ARMC9: variants seen among roughly 807,000 people sequenced by gnomAD.
ARMC9 encodes armadillo repeat containing 9.
ARMC9 carries 94 observed loss-of-function variants against 107.0 expected under a neutral mutation model. The observed-to-expected ratio is 0.88, with a 90% CI of 0.74 to 1.04. The LOEUF (loss-of-function observed/expected upper bound fraction) is 1.04. Among genes scored for constraint, ARMC9 ranks in the 50% least tolerant of loss-of-function variants. The pLI is 0.00. For synonymous variants in ARMC9, 380 were observed against 396.9 expected, an observed-to-expected ratio of 0.96 and a Z score of 0.51; for missense variants, 942 against 1,030.1, an observed-to-expected ratio of 0.91 and a Z score of 1.17.
chr2:231,212,048 G>T (rs1254070450), intron 3 of ARMC9, among the ~76,000 whole-genome samples: 1 of 152,152 alleles, frequency 6.6e-6, no homozygotes, highest in Non-Finnish European at 1.5e-5. Flanking sequence ...GTAGAACTGA[G>T]GTTCAGCAAA....
chr2:231,237,753 G>GTATATATATATATATA (rs1226959333), intron 8 of ARMC9, among the ~76,000 whole-genome samples: 12 of 24,428 alleles, frequency 4.9e-4, no homozygotes, highest in African/African-American at 1.5e-3. Flanking sequence ...TTGGCTATAT[G>GTATATATATATATATA]TATATATATA....
Position 231,273,092 on chromosome 2 carries a change from A to AAT in ARMC9, c.1334+16_1334+17dup. The AAT allele has an allele frequency of 6.2e-7, 1 of 1,610,580 alleles. No individual in the cohort carries two copies. Among genetic ancestry groups the AAT allele is most frequent in the Non-Finnish European group, 8.5e-7 (1 of 1,178,218 alleles). ...GTTCAGTCTCAGGTAACGACTGTGCAATAGGTCACGGTGTCTCCTGTGAGA... is the reference window on the plus strand; with the variant it reads ...GTTCAGTCTCAGGTAACGACTGTGCAATATAGGTCACGGTGTCTCCTGTGAGA... On this transcript the variant is annotated intron_variant, in intron 14 of 24. Coordinates refer to ENST00000611582, the MANE Select transcript of ARMC9 (RefSeq NM_001352754.2).
At position 231,358,940 on chromosome 2, in the gene ARMC9, A is replaced by T. The variant is rs955898859; in HGVS notation, c.2132-1814A>T. On this transcript the variant is annotated intron_variant, in intron 22 of 24. Transcript: ENST00000611582. This position sits in a 1 kb window ranked among gnomAD's most constrained non-coding sequence, Gnocchi z 4.5. ...TCAAAATCACATGCCTTGGGACTTC[A>T]TAGCCCTGGGAGTTAAAATGCCCAG... Among the ~76,000 whole-genome samples, 4 of 152,164 alleles carry T rather than the reference A, an allele frequency of 2.6e-5. No individual in the cohort carries two copies. Among genetic ancestry groups the T allele is most frequent in the Admixed American group, 1.3e-4 (2 of 15,272 alleles).
Position 231,255,766 on chromosome 2 carries a change from A to G in ARMC9, c.880-820A>G, listed in dbSNP as rs12612801. On this transcript the variant is annotated intron_variant, in intron 9 of 24. Coordinates refer to ENST00000611582, the MANE Select transcript of ARMC9 (RefSeq NM_001352754.2). The surrounding 1 kb of genome is among the most constrained non-coding windows in gnomAD (Gnocchi z 4.7). The stretch of plus-strand genomic sequence containing the variant: ...AACTTTGCACATCTGGGCCAGGCGC[A>G]GTGGCTCACGCCTGTAATCCCAACA... Among the ~76,000 whole-genome samples the G allele has an allele frequency of 0.52, 78,934 of 151,896 alleles. 23,999 individuals carry two copies. The highest frequency in any genetic ancestry group is 0.85 in the African/African-American group (35,118 of 41,444).
At chr2:231,214,749 G>C in intron 3 of ARMC9, 82 bp from the exon 4 acceptor site, 3 of 1,385,732 alleles carry the variant, frequency 2.2e-6, no homozygotes, top group Non-Finnish European at 3.0e-6. Flanking sequence ...GTATATGGGA[G>C]ATCTGTGGTG....
intron 5 of ARMC9, among the ~76,000 whole-genome samples, chr2:231,220,225 A>T (rs1661880426): frequency 6.6e-6 from 1 of 151,114 alleles, no homozygotes; most frequent in South Asian, 2.1e-4. Flanking sequence ...TCAGAAGTTT[A>T]TTTTTTTGTT....
At chr2:231,223,135 G>A (rs995256598) in intron 6 of ARMC9, among the ~76,000 whole-genome samples, 5 of 152,216 alleles carry the variant, frequency 3.3e-5, no homozygotes, top group East Asian at 1.9e-4. Context: ...TTTGCAGAAT[G>A]TCACTTAACC....
chr2:231,233,890 G>A (rs1162005384), intron 7 of ARMC9, among the ~76,000 whole-genome samples: 3 of 152,120 alleles, frequency 2.0e-5, no homozygotes, highest in Admixed American at 1.3e-4. Context: ...CTCTAGGTCA[G>A]CCATTGTGCT....
intron 9 of ARMC9, among the ~76,000 whole-genome samples, chr2:231,253,565 T>A (rs1267618774): frequency 1.3e-5 from 2 of 151,686 alleles, no homozygotes; most frequent in Admixed American, 6.6e-5. Context: ...GAAAAAAAAA[T>A]GTTATGGACC....
intron 21 of ARMC9, among the ~76,000 whole-genome samples, chr2:231,354,263 TAA>T (rs759691541): frequency 2.7e-4 from 27 of 100,424 alleles, no homozygotes; most frequent in Admixed American, 3.2e-4. Flanking sequence ...CATCTCCATT[TAA>T]AAAAAAAAAA....
chr2:231,360,742 C>T lies in ARMC9; in HGVS notation c.2132-12C>T. The T allele has an allele frequency of 6.5e-7, 1 of 1,536,162 alleles. No homozygotes were observed. Among genetic ancestry groups the T allele is most frequent in the South Asian group, 1.2e-5 (1 of 84,066 alleles). ...AGCAGATGTGGACTGAACTTTCTCT[C>T]CTCCTCCCCAGCAGCCATCATCGCC... On this transcript the variant is annotated splice_polypyrimidine_tract_variant and intron_variant, in intron 22 of 24. Coordinates refer to ENST00000611582, the MANE Select transcript of ARMC9 (RefSeq NM_001352754.2). This position sits in a 1 kb window ranked among gnomAD's most constrained non-coding sequence, Gnocchi z 4.7.
intron 16 of ARMC9, among the ~76,000 whole-genome samples, chr2:231,280,319 A>T (rs2040107793): frequency 6.6e-6 from 1 of 152,160 alleles, no homozygotes; most frequent in South Asian, 2.1e-4. Flanking sequence ...TTAGCCAGGC[A>T]TGGTGGCTTG....
chr2:231,257,275 A>C (rs2037914419), intron 10 of ARMC9, among the ~76,000 whole-genome samples: 1 of 152,208 alleles, frequency 6.6e-6, no homozygotes, highest in Non-Finnish European at 1.5e-5. Context: ...GCTGGTTCAC[A>C]CTGTGATCAA....
chr2:231,368,413 A>T (rs1267628396), intron 23 of ARMC9, among the ~76,000 whole-genome samples: 1 of 152,206 alleles, frequency 6.6e-6, no homozygotes, highest in Non-Finnish European at 1.5e-5. Context: ...ACATCCATTT[A>T]TTAAATCCGA....
rs1229622130 is a variant in ARMC9 at position 231,240,260 on chromosome 2, G to A, written c.879+219G>A. 1.8e-5 allele frequency: 10 copies of A among 554,354 alleles called. No individual in the cohort carries two copies. In the East Asian group the frequency reaches 3.1e-4, roughly 17 times the overall value. 34.3% of individuals were successfully genotyped at this position (554,354 alleles called of 1,614,324 possible). A position where few individuals can be genotyped will look rare whatever the true frequency, so the allele number is the denominator to read the frequency against. ...GAGGGTGAGGAGAGAGGCGTGTTCTGCCTACCAGTTGCAGCCACTCAGTGG... is the reference window on the plus strand; with the variant it reads ...GAGGGTGAGGAGAGAGGCGTGTTCTACCTACCAGTTGCAGCCACTCAGTGG... On this transcript the variant is annotated intron_variant, in intron 9 of 24. Coordinates refer to ENST00000611582, the MANE Select transcript of ARMC9 (RefSeq NM_001352754.2).
intron 7 of ARMC9, among the ~76,000 whole-genome samples, chr2:231,231,006 T>G (rs2035162915): frequency 6.6e-6 from 1 of 152,230 alleles, no homozygotes; most frequent in Non-Finnish European, 1.5e-5. Flanking sequence ...AGTTAGGCCT[T>G]TTATCCCGGA....
At chr2:231,259,144 A>C in intron 11 of ARMC9, 42 bp downstream of exon 11, 1 of 1,515,230 alleles carries the variant, frequency 6.6e-7, no homozygotes, top group South Asian at 1.2e-5. Flanking sequence ...AAACCAAACC[A>C]GTGCTGGTTT....
intron 19 of ARMC9, among the ~76,000 whole-genome samples, chr2:231,329,748 A>C (rs144482812): frequency 3.9e-4 from 59 of 152,288 alleles, no homozygotes; most frequent in Admixed American, 1.5e-3. Flanking sequence ...GTTCCTTACT[A>C]GTATACAGAA....
intron 9 of ARMC9, among the ~76,000 whole-genome samples, chr2:231,241,452 C>T (rs2125374872): frequency 6.6e-6 from 1 of 152,190 alleles, no homozygotes; most frequent in East Asian, 1.9e-4. Context: ...CCTGCTGCCC[C>T]ATTCACAGGC....
Sources: allele counts gnomAD v4.1 joint callset (sites outside exome capture counted in the v4.1 genomes callset), GRCh38; gene constraint gnomAD v4.1.1; non-coding constraint Gnocchi (gnomAD v3.1); transcripts MANE v1.5; gene names NCBI Gene and HGNC (gene_info 2026-07-23, HGNC 2026-07-21).